The following SLC25A26 variants were observed in gnomAD, a reference collection of about 807,000 sequenced individuals.
SLC25A26 encodes solute carrier family 25 member 26.
A neutral mutation model predicts 37.8 loss-of-function variants in SLC25A26; 36 were observed. That is an observed-to-expected ratio of 0.95 (90% CI 0.73 to 1.26). The LOEUF (loss-of-function observed/expected upper bound fraction) is 1.26. Ranked by LOEUF, SLC25A26 falls within the 50% of genes most tolerant of loss-of-function variation. The pLI is 0.00. For missense variants in SLC25A26, 390 were observed against 331.1 expected, an observed-to-expected ratio of 1.18 and a Z score of -1.38; for synonymous variants, 129 against 122.5, an observed-to-expected ratio of 1.05 and a Z score of -0.35.
chr3:66,271,107 T>C (rs571104973), intron 5 of SLC25A26, among the ~76,000 whole-genome samples: 43 of 152,320 alleles, frequency 2.8e-4, no homozygotes, highest in Non-Finnish European at 5.1e-4. Flanking sequence ...ATTCTTTATT[T>C]AAACGTTGTG....
At chr3:66,332,754 T>C (rs1478362033) in intron 5 of SLC25A26, among the ~76,000 whole-genome samples, 1 of 151,996 alleles carries the variant, frequency 6.6e-6, no homozygotes, top group Non-Finnish European at 1.5e-5. Context: ...TAGATACAGA[T>C]ACATGAAACT....
intron 1 of SLC25A26, among the ~76,000 whole-genome samples, chr3:66,225,154 C>T (rs960672282): frequency 3.9e-5 from 6 of 152,142 alleles, no homozygotes; most frequent in African/African-American, 1.4e-4. Context: ...GGTGGGGACT[C>T]CTTACTGGGG....
upstream of SLC25A26, among the ~76,000 whole-genome samples, chr3:66,216,869 AATG>A (rs1444658665): frequency 1.3e-5 from 2 of 152,200 alleles, no homozygotes; most frequent in Non-Finnish European, 2.9e-5. Context: ...ATGTGGTGAT[AATG>A]ATGATGCATT....
At chr3:66,212,854 T>C (rs1472169275) in intron 1 of SLC25A26, among the ~76,000 whole-genome samples, 1 of 152,228 alleles carries the variant, frequency 6.6e-6, no homozygotes, top group Non-Finnish European at 1.5e-5. Context: ...CTCTACCATA[T>C]GTATAAATGT....
chr3:66,181,474 A>G (rs1466870719), intron 1 of SLC25A26, among the ~76,000 whole-genome samples: 1 of 152,248 alleles, frequency 6.6e-6, no homozygotes, highest in Non-Finnish European at 1.5e-5. Flanking sequence ...ACCCTAAAAA[A>G]TGCTAGCTAC....
chr3:66,171,482 C>T (rs539989645), intron 1 of SLC25A26, among the ~76,000 whole-genome samples: 1 of 152,002 alleles, frequency 6.6e-6, no homozygotes. Context: ...AATGAAGGAC[C>T]CTGAGATTTT....
At chr3:66,313,148 A>G (rs1047252743) in intron 5 of SLC25A26, among the ~76,000 whole-genome samples, 3 of 151,944 alleles carry the variant, frequency 2.0e-5, no homozygotes, top group African/African-American at 4.8e-5. Context: ...CCATTTATCA[A>G]TTTTTGCTTT....
At chr3:66,265,416 A>G (rs374175832) in intron 5 of SLC25A26, among the ~76,000 whole-genome samples, 1 of 152,254 alleles carries the variant, frequency 6.6e-6, no homozygotes, top group South Asian at 2.1e-4. Context: ...TCGTTTTCAG[A>G]TAGGTGAGAT....
intron 5 of SLC25A26, among the ~76,000 whole-genome samples, chr3:66,336,984 A>G (rs751260374): frequency 7.2e-5 from 11 of 152,148 alleles, no homozygotes; most frequent in Non-Finnish European, 1.0e-4. Flanking sequence ...ATATTTTGCT[A>G]AATCAGACAT....
At chr3:66,203,768 A>T (rs1370103453) in intron 1 of SLC25A26, among the ~76,000 whole-genome samples, 1 of 152,254 alleles carries the variant, frequency 6.6e-6, no homozygotes, top group Admixed American at 6.5e-5. Context: ...CAACAATTCT[A>T]CAATGAATTG....
intron 5 of SLC25A26, among the ~76,000 whole-genome samples, chr3:66,288,901 C>T (rs2074607397): frequency 6.6e-6 from 1 of 152,178 alleles, no homozygotes; most frequent in African/African-American, 2.4e-5. Context: ...GGAATTGCCA[C>T]ACTGTCTTCC....
chr3:66,255,021 C>A (rs2073245471), intron 3 of SLC25A26, among the ~76,000 whole-genome samples: 1 of 152,140 alleles, frequency 6.6e-6, no homozygotes, highest in Admixed American at 6.5e-5. Context: ...AATGAAAGAA[C>A]CAGGGGTTTT....
chr3:66,183,458 C>T (rs557370903), intron 1 of SLC25A26, among the ~76,000 whole-genome samples: 9 of 151,990 alleles, frequency 5.9e-5, no homozygotes, highest in Non-Finnish European at 1.2e-4. Context: ...CTCACCGTGT[C>T]CCCGAACATA....
intron 1 of SLC25A26, among the ~76,000 whole-genome samples, chr3:66,139,349 T>C (rs2069998214): frequency 6.6e-6 from 1 of 152,352 alleles, no homozygotes; most frequent in African/African-American, 2.4e-5. Flanking sequence ...CTTTTCAAAA[T>C]AGGTGTATGC....
intron 3 of SLC25A26, among the ~76,000 whole-genome samples, chr3:66,251,164 C>T (rs1294196126): frequency 6.6e-6 from 1 of 152,088 alleles, no homozygotes; most frequent in East Asian, 1.9e-4. Flanking sequence ...GAAGCAGGGG[C>T]TGAGAGCTAT....
intron 1 of SLC25A26, among the ~76,000 whole-genome samples, chr3:66,189,492 A>G (rs1016629659): frequency 6.6e-6 from 1 of 152,116 alleles, no homozygotes; most frequent in Admixed American, 6.5e-5. Flanking sequence ...CCTGACCCTT[A>G]TAATGATTCT....
intron 1 of SLC25A26, among the ~76,000 whole-genome samples, chr3:66,232,562 T>C (rs1032708718): frequency 6.6e-6 from 1 of 152,224 alleles, no homozygotes; most frequent in African/African-American, 2.4e-5. Context: ...ATTAAAATTG[T>C]GTTCAGTGCT....
At chr3:66,327,221 T>G (rs1244756289) in intron 5 of SLC25A26, among the ~76,000 whole-genome samples, 1 of 152,190 alleles carries the variant, frequency 6.6e-6, no homozygotes, top group Non-Finnish European at 1.5e-5. Flanking sequence ...AACTTGTATA[T>G]TTCATAAATT....
At chr3:66,329,005 C>T (rs1290418765) in intron 5 of SLC25A26, among the ~76,000 whole-genome samples, 2 of 152,132 alleles carry the variant, frequency 1.3e-5, no homozygotes, top group Admixed American at 1.3e-4. Flanking sequence ...TGTATTATGA[C>T]GTATTTGTGA....
Sources: allele counts gnomAD v4.1 joint callset (sites outside exome capture counted in the v4.1 genomes callset), GRCh38; gene constraint gnomAD v4.1.1; transcripts MANE v1.5; gene names NCBI Gene and HGNC (gene_info 2026-07-23, HGNC 2026-07-21).